Variants in CHM observed in about 807,000 individuals in gnomAD.
The protein encoded by CHM is CHM Rab escort protein.
CHM carries 10 observed loss-of-function variants against 49.0 expected under a neutral mutation model. That is an observed-to-expected ratio of 0.20 (90% CI 0.13 to 0.35). The LOEUF is 0.35. Ranked by LOEUF, CHM falls within the 10% of genes least tolerant of loss-of-function variation. The probability of loss-of-function intolerance (pLI) is 1.00; values close to 1 mark genes in which losing one functional copy is unlikely to be tolerated. For synonymous variants in CHM, 184 were observed against 167.5 expected (o/e 1.10, Z -0.76); for missense variants, 455 against 478.4 (o/e 0.95, Z 0.46).
At chrX:85,920,126 C>G (rs112468566) in intron 8 of CHM, among the ~76,000 whole-genome samples, 18,264 of 107,181 alleles carry the variant, frequency 0.17, 1,532 homozygotes, top group Non-Finnish European at 0.25. Flanking sequence ...GATGGAGTCT[C>G]GCTCTGTCGC....
At chrX:86,027,675 G>A in intron 1 of CHM, 118 bp from the exon 2 acceptor site, 1 of 555,596 alleles carries the variant, frequency 1.8e-6, no homozygotes. Context: ...ACCCATCCTT[G>A]CTTGTATTCA....
chrX:85,946,506 A>T (rs1050744138), intron 8 of CHM, among the ~76,000 whole-genome samples: 2 of 111,969 alleles, frequency 1.8e-5, no homozygotes, highest in African/African-American at 3.2e-5. Flanking sequence ...GCTACTTCAG[A>T]GGGTGTAAGC....
chrX:86,028,923 G>A lies in CHM; in HGVS notation c.50-1366C>T, dbSNP rs201606841. Among the ~76,000 whole-genome samples the A allele has an allele frequency of 4.5e-5, 5 of 111,479 alleles. No individual in the cohort carries two copies. In the East Asian group the frequency reaches 1.1e-3, roughly 25 times the overall value. ...CTAAGCATCAAGGATTTCAGGAAAG[G>A]GGAAAGTCATCTTCTGTATATAAAA... is the stretch of plus-strand genomic sequence containing the variant. On this transcript the variant is annotated intron_variant, in intron 1 of 14. Transcript: ENST00000357749.
rs907407512 is a variant in CHM, at chrX:85,968,985, G to A, written c.315-4933C>T. 4 of 392,353 alleles carry A rather than the reference G, an allele frequency of 1.0e-5. No individual in the cohort carries two copies. In the East Asian group the frequency reaches 8.1e-4, roughly 79 times the overall value. The allele number at this position is 392,353 out of a possible 1,213,427, so 32.3% of individuals were successfully genotyped here. ...TTACAGGTGATTTTACATTTTATTT[G>A]TATTCGCTTCATCTAAATTAGAAGT... On this transcript the variant is annotated intron_variant, in intron 4 of 14. Transcript: ENST00000357749.
At chrX:85,924,340 A>C (rs1927964350) in intron 8 of CHM, among the ~76,000 whole-genome samples, 1 of 111,417 alleles carries the variant, frequency 9.0e-6, no homozygotes, top group African/African-American at 3.3e-5. Context: ...AATTGCTAAT[A>C]GACTGGAGGC....
intron 8 of CHM, among the ~76,000 whole-genome samples, chrX:85,919,978 T>C (rs1352178622): frequency 8.9e-6 from 1 of 112,047 alleles, no homozygotes; most frequent in Non-Finnish European, 1.9e-5. Flanking sequence ...CTCCTCTGTA[T>C]GCTATTCTTA....
Sources: allele counts gnomAD v4.1 joint callset (sites outside exome capture counted in the v4.1 genomes callset), GRCh38; gene constraint gnomAD v4.1.1; transcripts MANE v1.5; gene names NCBI Gene and HGNC (gene_info 2026-07-23, HGNC 2026-07-21).